Variants in LDB2 observed in about 807,000 individuals in gnomAD.
LDB2 encodes LIM domain-binding protein 2.
In LDB2, 12 loss-of-function variants were observed where a neutral mutation model predicts 44.3. The ratio of observed to expected loss-of-function variants is 0.27; its 90% CI spans 0.17 to 0.44. The LOEUF is 0.44. Ranked by LOEUF, LDB2 falls within the 20% of genes least tolerant of loss-of-function variation. The pLI, the probability that LDB2 is intolerant of heterozygous loss-of-function variation, is 1.00. For synonymous variants in LDB2, 164 were observed against 174.8 expected (o/e 0.94, Z 0.49); for missense variants, 344 against 473.5 (o/e 0.73, Z 2.54).
intron 1 of LDB2, among the ~76,000 whole-genome samples, chr4:16,763,429 T>C (rs892299139): frequency 2.9e-5 from 2 of 69,816 alleles, no homozygotes; most frequent in East Asian, 3.6e-4. Flanking sequence ...TCCCCCCATA[T>C]GTAAACACGT....
intron 5 of LDB2, among the ~76,000 whole-genome samples, chr4:16,550,960 C>A (rs1055080896): frequency 2.6e-5 from 4 of 152,210 alleles, no homozygotes; most frequent in African/African-American, 9.7e-5. Flanking sequence ...TATGTAAATA[C>A]ACCTTAAAAT....
At chr4:16,743,574 C>T (rs763176892) in intron 2 of LDB2, among the ~76,000 whole-genome samples, 3 of 152,010 alleles carry the variant, frequency 2.0e-5, no homozygotes, top group Admixed American at 6.6e-5. Context: ...AAGCACTTAA[C>T]GTTGGAGAGT....
Position 16,518,172 on chromosome 4 carries a change from GTGTTTTGCTCT to G in LDB2, c.616-6079_616-6069del, listed in dbSNP as rs367577195. On this transcript the variant is annotated intron_variant, in intron 5 of 7. Transcript: ENST00000304523. Reference sequence around the variant, plus strand: ...GGACCTAACAAATGTAGACAGTGCAGTGTTTTGCTCTTGTTTTGCTTTTCATCTGACAGTTC... The same window carrying G: ...GGACCTAACAAATGTAGACAGTGCAGTGTTTTGCTTTTCATCTGACAGTTC... Among the ~76,000 whole-genome samples, 824 of 152,312 alleles carry G rather than the reference GTGTTTTGCTCT, an allele frequency of 5.4e-3. 8 individuals are homozygous for G. The highest frequency in any genetic ancestry group is 0.019 in the African/African-American group (778 of 41,556).
chr4:16,651,645 A>G (rs1427451901), intron 2 of LDB2, among the ~76,000 whole-genome samples: 2 of 152,012 alleles, frequency 1.3e-5, no homozygotes, highest in African/African-American at 4.8e-5. Flanking sequence ...TTTTACCCCA[A>G]ATCATGGTAT....
chr4:16,505,198 C>CTGTT (rs1289329180), intron 7 of LDB2, among the ~76,000 whole-genome samples: 10 of 152,166 alleles, frequency 6.6e-5, no homozygotes, highest in Non-Finnish European at 1.2e-4. Context: ...GGCTTGTAAT[C>CTGTT]TGTTCGGTGA....
At chr4:16,647,660 C>T (rs553199302) in intron 2 of LDB2, among the ~76,000 whole-genome samples, 18 of 152,212 alleles carry the variant, frequency 1.2e-4, no homozygotes, top group African/African-American at 1.9e-4. Context: ...CCGAGAAAGA[C>T]GATCATGTTT....
Position 16,676,867 on chromosome 4 carries a change from G to A in LDB2, c.236-80992C>T, listed in dbSNP as rs549743016. On this transcript the variant is annotated intron_variant, in intron 2 of 7. Transcript: ENST00000304523. ...GTGTGAGTTTAGGCATTGAAGATGA[G>A]TAAGATTTGCAAGCATGGGAGAGTA... 3.3e-5 allele frequency among the ~76,000 whole-genome samples: 5 copies of A among 152,326 alleles called. No individual in the cohort carries two copies. In the South Asian group the frequency reaches 1.0e-3, roughly 32 times the overall value.
At chr4:16,590,412 G>T (rs1023966971) in intron 3 of LDB2, among the ~76,000 whole-genome samples, 12 of 152,194 alleles carry the variant, frequency 7.9e-5, no homozygotes, top group Admixed American at 5.2e-4. Context: ...CACGAAGTTA[G>T]TGAACAATTT....
intron 1 of LDB2, among the ~76,000 whole-genome samples, chr4:16,804,079 T>A (rs928207678): frequency 1.6e-4 from 24 of 152,144 alleles, no homozygotes; most frequent in Admixed American, 1.4e-3. Context: ...TAGAGAAAGT[T>A]TTTTTAATTG....
chr4:16,771,498 A>G (rs1770672123), intron 1 of LDB2, among the ~76,000 whole-genome samples: 2 of 152,110 alleles, frequency 1.3e-5, no homozygotes, highest in Non-Finnish European at 2.9e-5. Flanking sequence ...CTTCTTAACC[A>G]AAGAGGCATC....
chr4:16,619,013 T>C (rs1404051161), intron 2 of LDB2, among the ~76,000 whole-genome samples: 2 of 152,164 alleles, frequency 1.3e-5, no homozygotes, highest in Non-Finnish European at 2.9e-5. Flanking sequence ...ACTTTCGCCA[T>C]GATTGTAAGT....
At chr4:16,827,890 G>A (rs897667245) in intron 1 of LDB2, among the ~76,000 whole-genome samples, 2 of 152,138 alleles carry the variant, frequency 1.3e-5, no homozygotes, top group Non-Finnish European at 2.9e-5. Flanking sequence ...TCAGGATTTC[G>A]TATCCTCTTA....
Position 16,821,745 on chromosome 4 carries a change from G to GCAAAAAAAAAAAAA in LDB2, c.133-62499_133-62486dup, listed in dbSNP as rs1782078795. ...AAATGGAAACCATTCCAACATTAAA[G>GCAAAAAAAAAAAAA]CAAAAAAAAAAAAAAAAAAAAAAAA... On this transcript the variant is annotated intron_variant, in intron 1 of 7. Coordinates refer to ENST00000304523, the MANE Select transcript of LDB2 (RefSeq NM_001290.5). Among the ~76,000 whole-genome samples, 2 of 11,452 alleles carry GCAAAAAAAAAAAAA rather than the reference G, an allele frequency of 1.7e-4. 1 individual carries two copies. Among genetic ancestry groups the GCAAAAAAAAAAAAA allele is most frequent in the African/African-American group, 5.5e-4 (2 of 3,632 alleles). The allele number at this position is 11,452 out of a possible 152,430, so 7.5% of individuals were successfully genotyped here. A position where few individuals can be genotyped will look rare whatever the true frequency, so the allele number is the denominator to read the frequency against.
intron 2 of LDB2, among the ~76,000 whole-genome samples, chr4:16,608,221 A>G (rs1724501317): frequency 6.6e-6 from 1 of 151,770 alleles, no homozygotes; most frequent in Admixed American, 6.6e-5. Context: ...AAAAAAAAAA[A>G]AAAAAAAGAC....
Position 16,820,304 on chromosome 4 carries a change from T to C in LDB2, c.133-61044A>G, listed in dbSNP as rs530184979. 2.0e-5 allele frequency among the ~76,000 whole-genome samples: 3 copies of C among 152,306 alleles called. No individual in the cohort carries two copies. The East Asian group carries it at 5.8e-4, about 29-fold the overall frequency. On this transcript the variant is annotated intron_variant, in intron 1 of 7. Coordinates refer to ENST00000304523, the MANE Select transcript of LDB2 (RefSeq NM_001290.5). ...TATTATTCATTTATTCAAAAATATT[T>C]ATTGGGGATCTACTTTCTGTTGGGC...
intron 2 of LDB2, among the ~76,000 whole-genome samples, chr4:16,753,679 G>C (rs1427285460): frequency 1.3e-5 from 2 of 152,194 alleles, no homozygotes; most frequent in African/African-American, 2.4e-5. Flanking sequence ...CTTTTGGCTA[G>C]TGTGGCCATG....
intron 2 of LDB2, among the ~76,000 whole-genome samples, chr4:16,629,511 C>A (rs1397312582): frequency 6.6e-6 from 1 of 152,046 alleles, no homozygotes; most frequent in African/African-American, 2.4e-5. Context: ...GGACCTCCAG[C>A]AAACTCCAGC....
chr4:16,836,014 G>A (rs1017728676), intron 1 of LDB2, among the ~76,000 whole-genome samples: 3 of 152,216 alleles, frequency 2.0e-5, no homozygotes, highest in Non-Finnish European at 4.4e-5. Flanking sequence ...AATACTGCCA[G>A]TAAGGATGAT....
intron 2 of LDB2, among the ~76,000 whole-genome samples, chr4:16,720,638 C>G (rs958875072): frequency 1.3e-5 from 2 of 152,078 alleles, no homozygotes; most frequent in Non-Finnish European, 2.9e-5. Flanking sequence ...GTTCAATTGA[C>G]TTTGTCAGGT....
Sources: gnomAD v4.1 joint callset for allele counts (sites outside exome capture counted in the v4.1 genomes callset) on GRCh38, gnomAD v4.1.1 for gene constraint, MANE v1.5 for transcripts, NCBI Gene and HGNC (gene_info 2026-07-23, HGNC 2026-07-21) for gene names.